ADAMTS2: variants seen among roughly 807,000 people sequenced by gnomAD.
The protein encoded by ADAMTS2 is A disintegrin and metalloproteinase with thrombospondin motifs 2.
Under a neutral mutation model 123.0 loss-of-function variants are expected in ADAMTS2, and 50 were observed. That is an observed-to-expected ratio of 0.41 (90% CI 0.32 to 0.51). ADAMTS2 has a LOEUF of 0.51. ADAMTS2 is among the 20% of genes least tolerant of loss of function. The pLI, the probability that ADAMTS2 is intolerant of heterozygous loss-of-function variation, is 0.35. For missense variants in ADAMTS2, 1,494 were observed against 1,705.2 expected, an observed-to-expected ratio of 0.88 and a Z score of 2.18; for synonymous variants, 678 against 695.4, an observed-to-expected ratio of 0.98 and a Z score of 0.39.
chr5:179,291,921 A>T (rs1014413183), intron 2 of ADAMTS2, among the ~76,000 whole-genome samples: 8 of 151,054 alleles, frequency 5.3e-5, no homozygotes, highest in Admixed American at 2.6e-4. Context: ...AAAAAAAAAA[A>T]TTTGTAGAAA....
chr5:179,320,465 G>T (rs1229955182), intron 2 of ADAMTS2, among the ~76,000 whole-genome samples: 1 of 147,196 alleles, frequency 6.8e-6, no homozygotes, highest in Admixed American at 6.8e-5. Flanking sequence ...CCACCACTAC[G>T]CCTGGCTAAT....
chr5:179,214,690 A>C (rs1349299524), intron 3 of ADAMTS2, among the ~76,000 whole-genome samples: 1 of 152,244 alleles, frequency 6.6e-6, no homozygotes, highest in African/African-American at 2.4e-5. Flanking sequence ...GTAGTATAAT[A>C]TAGTCTAAGG....
chr5:179,135,118 C>A (rs1013035148), intron 13 of ADAMTS2, among the ~76,000 whole-genome samples: 3 of 145,744 alleles, frequency 2.1e-5, no homozygotes, highest in African/African-American at 7.5e-5. Flanking sequence ...GCCCCCAGCT[C>A]CCGGCTCCAG....
intron 3 of ADAMTS2, among the ~76,000 whole-genome samples, chr5:179,233,346 G>C (rs1275875603): frequency 6.6e-6 from 1 of 150,650 alleles, no homozygotes; most frequent in Non-Finnish European, 1.5e-5. Flanking sequence ...CATATTATCT[G>C]CTTTGTTAAA....
rs913111739 is a variant in ADAMTS2, at chr5:179,162,351, A to C, written c.976-3472T>G. 4.6e-5 allele frequency among the ~76,000 whole-genome samples: 7 copies of C among 152,130 alleles called. No homozygotes were observed. The highest frequency in any genetic ancestry group is 8.8e-5 in the Non-Finnish European group (6 of 67,990). The stretch of plus-strand genomic sequence containing the variant: ...ACCAAAGCGGGCCAAGGAGTAGGCA[A>C]GGTGTGAGGTGGGGGGCCTGCAGCG... On this transcript the variant is annotated intron_variant, in intron 5 of 21. Transcript: ENST00000251582. This position sits in a 1 kb window ranked among gnomAD's most constrained non-coding sequence, Gnocchi z 5.1.
intron 17 of ADAMTS2, among the ~76,000 whole-genome samples, chr5:179,127,272 G>A (rs1045327556): frequency 1.6e-4 from 24 of 152,224 alleles, no homozygotes; most frequent in Admixed American, 4.6e-4. Context: ...GTGTGGGGCC[G>A]GGGGTGCCCA....
chr5:179,170,155 C>T lies in ADAMTS2; in HGVS notation c.975+10917G>A, dbSNP rs1160525570. 6.6e-6 allele frequency among the ~76,000 whole-genome samples: 1 copy of T among 152,122 alleles called. No individual in the cohort carries two copies. On this transcript the variant is annotated intron_variant, in intron 5 of 21. Coordinates refer to ENST00000251582, the MANE Select transcript of ADAMTS2 (RefSeq NM_014244.5). The surrounding 1 kb of genome is among the most constrained non-coding windows in gnomAD (Gnocchi z 4.3). Reference sequence around the variant, plus strand: ...GAGAAAAATGTTGTTTTAGGAAAAACTTGAGATAACTCAGAGGCTTCTCAT... The same window carrying T: ...GAGAAAAATGTTGTTTTAGGAAAAATTTGAGATAACTCAGAGGCTTCTCAT...
In ADAMTS2 at chr5:179,115,885, A is replaced by G. The variant is rs115994475; in HGVS notation, c.3179-1561T>C. Among the ~76,000 whole-genome samples, 303 of 152,162 alleles carry G rather than the reference A, an allele frequency of 2.0e-3. 1 individual carries two copies. The highest frequency in any genetic ancestry group is 6.5e-3 in the African/African-American group (270 of 41,526). On this transcript the variant is annotated intron_variant, in intron 21 of 21. Coordinates refer to ENST00000251582, the MANE Select transcript of ADAMTS2 (RefSeq NM_014244.5). The surrounding 1 kb of genome is among the most constrained non-coding windows in gnomAD (Gnocchi z 4.4). ...CTTAATGGCCACTGCTCCAGCCTGT[A>G]ATTTTCCCTTAGAAGCTGGTGACAG...
At chr5:179,204,787 C>T (rs940548296) in intron 4 of ADAMTS2, among the ~76,000 whole-genome samples, 32 of 152,184 alleles carry the variant, frequency 2.1e-4, no homozygotes, top group Non-Finnish European at 1.3e-4. Context: ...GAGGCAGAGA[C>T]CCCCCGCTGA....
At chr5:179,322,533 A>G (rs1581274945) in intron 2 of ADAMTS2, among the ~76,000 whole-genome samples, 1 of 151,898 alleles carries the variant, frequency 6.6e-6, no homozygotes, top group African/African-American at 2.4e-5. Flanking sequence ...ATAGAGCTTC[A>G]TTGCCACATC....
Position 179,114,192 on chromosome 5 carries a change from C to T in ADAMTS2, c.3311G>A (p.Gly1104Asp). The T allele has an allele frequency of 6.2e-7, 1 of 1,611,976 alleles. No individual in the cohort carries two copies. Among genetic ancestry groups the T allele is most frequent in the Non-Finnish European group, 8.5e-7 (1 of 1,178,302 alleles). Residue 1104 changes from glycine to aspartate, a missense_variant, in exon 22 of 22, where the codon GGC becomes GAC. By Grantham distance (94) the Gly-to-Asp change is moderately conservative. Coordinates refer to ENST00000251582, the MANE Select transcript of ADAMTS2 (RefSeq NM_014244.5). ...NLYNNLTNVE[G>D]RIEPPPGKHN... is the part of the protein sequence containing the mutation. ...CTTCCCAGGCGGTGGCTCTATCCTG[C>T]CCTCCACGTTGGTGAGGTTGTTGTA...
intron 4 of ADAMTS2, among the ~76,000 whole-genome samples, chr5:179,184,373 T>G (rs765194028): frequency 2.0e-5 from 3 of 151,934 alleles, no homozygotes; most frequent in Non-Finnish European, 2.9e-5. Flanking sequence ...TAGCCAGGCA[T>G]GGTGGCGAGC....
chr5:179,202,273 C>T lies in ADAMTS2; in HGVS notation c.891+5240G>A, dbSNP rs1439116942. On this transcript the variant is annotated intron_variant, in intron 4 of 21. Transcript: ENST00000251582. The surrounding 1 kb of genome is among the most constrained non-coding windows in gnomAD (Gnocchi z 4.0). ...GCCGGCCCCATTCCTGCCTCAGGGC[C>T]TTGGCGCCGCCTGCCCCCTCCCCCA... Among the ~76,000 whole-genome samples, 4 of 152,090 alleles carry T rather than the reference C, an allele frequency of 2.6e-5. No homozygotes were observed. The highest frequency in any genetic ancestry group is 2.6e-4 in the Admixed American group (4 of 15,284).
rs200994742 is a variant in ADAMTS2, at chr5:179,164,041, G to T, written c.976-5162C>A. Among the ~76,000 whole-genome samples, 26 of 152,306 alleles carry T rather than the reference G, an allele frequency of 1.7e-4. No homozygotes were observed. The East Asian group carries it at 3.9e-3, about 23-fold the overall frequency. On this transcript the variant is annotated intron_variant, in intron 5 of 21. Coordinates refer to ENST00000251582, the MANE Select transcript of ADAMTS2 (RefSeq NM_014244.5). ...GACCCTGGGAGCCTGGGTCCCAGCA[G>T]GGGGTACCCCAAGAAGTAGAGGAGA...
chr5:179,340,236 C>T (rs1415292474), intron 2 of ADAMTS2, among the ~76,000 whole-genome samples: 1 of 152,386 alleles, frequency 6.6e-6, no homozygotes, highest in East Asian at 1.9e-4. Context: ...GCTTCATCCA[C>T]TGCTGCCCAG....
Position 179,209,922 on chromosome 5 carries a change from G to T in ADAMTS2, c.689-2207C>A, listed in dbSNP as rs534255121. ...TTCCTCCCTGGGGAACAGGCCGGGC[G>T]TTACCCTCTGCCCTTGTCAAACTAG... On this transcript the variant is annotated intron_variant, in intron 3 of 21. Transcript: ENST00000251582. Among the ~76,000 whole-genome samples the T allele has an allele frequency of 4.6e-5, 7 of 152,348 alleles. No homozygotes were observed. The South Asian group carries it at 1.5e-3, about 32-fold the overall frequency.
In ADAMTS2 at chr5:179,314,978, C is replaced by T. The variant is rs1756945435; in HGVS notation, c.534+28789G>A. 6.6e-6 allele frequency among the ~76,000 whole-genome samples: 1 copy of T among 152,144 alleles called. No individual in the cohort carries two copies. Among genetic ancestry groups the T allele is most frequent in the African/African-American group, 2.4e-5 (1 of 41,420 alleles). ...AGCCTAATCACAGCCAGCTACGCCC[C>T]CTTCTCCCAGTTATTCAAGCCTGGA... is the stretch of plus-strand genomic sequence containing the variant. On this transcript the variant is annotated intron_variant, in intron 2 of 21. Coordinates refer to ENST00000251582, the MANE Select transcript of ADAMTS2 (RefSeq NM_014244.5). The surrounding 1 kb of genome is among the most constrained non-coding windows in gnomAD (Gnocchi z 4.5).
rs1762988026 is a variant in ADAMTS2 at position 179,132,818 on chromosome 5, T to C, written c.2168A>G (p.Lys723Arg). ...CCGTGTGAACGTGCCCTTGACCACTTTGCAGTGGCTGTTGTCCCCTCCGCA... is the reference window on the plus strand; with the variant it reads ...CCGTGTGAACGTGCCCTTGACCACTCTGCAGTGGCTGTTGTCCCCTCCGCA... ...GVCGGDNSHC[K>R]VVKGTFTRSP... Residue 723 changes from lysine (K) to arginine (R), a missense_variant, in exon 14 of 22, where the codon AAA (lysine) becomes AGA (arginine). Lys to Arg is a conservative substitution (Grantham distance 26). Transcript: ENST00000251582. This position sits in a 1 kb window ranked among gnomAD's most constrained non-coding sequence, Gnocchi z 6.1. 1.2e-6 allele frequency: 2 copies of C among 1,614,118 alleles called. No homozygotes were observed. Among genetic ancestry groups the C allele is most frequent in the Non-Finnish European group, 1.7e-6 (2 of 1,180,014 alleles).
At chr5:179,152,366 TGATGG>T in intron 9 of ADAMTS2, 111 bp from the exon 10 acceptor site, 1 of 1,025,104 alleles carries the variant, frequency 9.8e-7, no homozygotes, top group East Asian at 2.6e-5. Flanking sequence ...GACTGGCCCA[TGATGG>T]GCCCGTGAGG....
Sources: allele counts gnomAD v4.1 joint callset (sites outside exome capture counted in the v4.1 genomes callset), GRCh38; gene constraint gnomAD v4.1.1; non-coding constraint Gnocchi (gnomAD v3.1); transcripts MANE v1.5; gene names NCBI Gene and HGNC (gene_info 2026-07-23, HGNC 2026-07-21).